The following AQR variants were observed in gnomAD, a reference collection of about 807,000 sequenced individuals.
AQR encodes RNA helicase aquarius.
AQR carries 61 observed loss-of-function variants against 180.5 expected under a neutral mutation model. The ratio of observed to expected loss-of-function variants is 0.34; its 90% CI spans 0.28 to 0.42. AQR has a LOEUF of 0.42. Ranked by LOEUF, AQR falls within the 10% of genes least tolerant of loss-of-function variation. The pLI is 1.00. For missense variants in AQR, 1,281 were observed against 1,798.3 expected (o/e 0.71, Z 5.20); for synonymous variants, 551 against 588.8 (o/e 0.94, Z 0.93).
intron 32 of AQR, among the ~76,000 whole-genome samples, chr15:34,863,856 T>G (rs572112307): frequency 6.6e-6 from 1 of 152,162 alleles, no homozygotes; most frequent in Admixed American, 6.5e-5. Flanking sequence ...TGTGTTTTAG[T>G]GAGAAAAAAT....
intron 16 of AQR, among the ~76,000 whole-genome samples, chr15:34,914,059 G>T (rs1893541352): frequency 1.3e-5 from 2 of 152,218 alleles, no homozygotes; most frequent in Admixed American, 6.5e-5. Flanking sequence ...GTAAGCAGAA[G>T]CCTGGAAGAT....
chr15:34,927,237 C>T (rs567425548), intron 12 of AQR, 99 bp from the exon 13 acceptor site: 1 of 652,194 alleles, frequency 1.5e-6, no homozygotes, highest in South Asian at 4.2e-5. Context: ...AATATTAACG[C>T]ATTTCTGTCT....
chr15:34,905,855 G>A (rs990789767), intron 18 of AQR, among the ~76,000 whole-genome samples: 2 of 152,048 alleles, frequency 1.3e-5, no homozygotes, highest in Non-Finnish European at 2.9e-5. Context: ...TGGCCAACAT[G>A]GTGAAACTCT....
At chr15:34,899,676 TTA>T (rs57273821) in intron 20 of AQR, among the ~76,000 whole-genome samples, 87 of 147,130 alleles carry the variant, frequency 5.9e-4, no homozygotes, top group Non-Finnish European at 6.3e-4. Context: ...TGGCCTATTA[TTA>T]TATATATATA....
chr15:34,965,845 G>C (rs2050307716), intron 1 of AQR, among the ~76,000 whole-genome samples: 1 of 152,066 alleles, frequency 6.6e-6, no homozygotes, highest in Admixed American at 6.6e-5. Context: ...AGAGAATTGA[G>C]TCTAACCTGT....
At chr15:34,914,570 C>T (rs2140482995) in intron 16 of AQR, among the ~76,000 whole-genome samples, 1 of 152,300 alleles carries the variant, frequency 6.6e-6, no homozygotes, top group Admixed American at 6.5e-5. Flanking sequence ...AGCCCTAATC[C>T]TCTGTCCATT....
At chr15:34,956,355 A>G (rs555099025) in intron 3 of AQR, among the ~76,000 whole-genome samples, 4 of 152,282 alleles carry the variant, frequency 2.6e-5, no homozygotes, top group East Asian at 3.9e-4. Flanking sequence ...CTTATTTAAG[A>G]ACAGAGTATT....
In AQR at chr15:34,893,744, T is replaced by A; in HGVS notation, c.2490A>T (p.Thr830=). The change falls in exon 23 of 35, where the codon ACA becomes ACT. Residue 830 remains threonine, a synonymous_variant. Coordinates refer to ENST00000156471, the MANE Select transcript of AQR (RefSeq NM_014691.3). ...TGGATATGATCTGAACTGCCACATCTGTTTTGCCTGTACCAGGTGGGCCCA... is the reference window on the plus strand; with the variant it reads ...TGGATATGATCTGAACTGCCACATCAGTTTTGCCTGTACCAGGTGGGCCCA... ...MVVGPPGTGK[T]DVAVQIISNI... is the part of the protein sequence containing the mutation. 6.2e-7 allele frequency: 1 copy of A among 1,614,162 alleles called. No homozygotes were observed. The highest frequency in any genetic ancestry group is 1.3e-5 in the African/African-American group (1 of 75,040).
At chr15:34,921,080 T>C (rs1321505538) in intron 13 of AQR, among the ~76,000 whole-genome samples, 1 of 152,144 alleles carries the variant, frequency 6.6e-6, no homozygotes, top group Admixed American at 6.5e-5. Flanking sequence ...GTACCTGTTT[T>C]ATTTTAAATT....
chr15:34,899,347 G>T (rs1303370556), intron 20 of AQR, among the ~76,000 whole-genome samples: 1 of 152,040 alleles, frequency 6.6e-6, no homozygotes, highest in African/African-American at 2.4e-5. Context: ...CTAGGTTTGG[G>T]TGTATAAAGG....
chr15:34,918,121 A>G (rs1893625227), intron 15 of AQR, 137 bp downstream of exon 15: 3 of 874,440 alleles, frequency 3.4e-6, no homozygotes, highest in African/African-American at 1.7e-5. Flanking sequence ...TCTAGCTTCT[A>G]AAGTTAACTT....
intron 33 of AQR, among the ~76,000 whole-genome samples, chr15:34,860,804 A>G (rs1892660259): frequency 6.6e-6 from 1 of 152,212 alleles, no homozygotes. Flanking sequence ...TTTGGTGTCT[A>G]TCAGAATCAT....
At chr15:34,902,070 G>A (rs1351817173) in intron 19 of AQR, among the ~76,000 whole-genome samples, 2 of 152,194 alleles carry the variant, frequency 1.3e-5, no homozygotes, top group Non-Finnish European at 2.9e-5. Context: ...GGATGCAGGG[G>A]ACACTTAACA....
intron 1 of AQR, among the ~76,000 whole-genome samples, chr15:34,964,617 G>C (rs1340603173): frequency 6.6e-6 from 1 of 152,130 alleles, no homozygotes; most frequent in Non-Finnish European, 1.5e-5. Context: ...GGAAACCCTG[G>C]TCTAGAAAAA....
At chr15:34,897,062 C>A in intron 21 of AQR, 96 bp from the exon 22 acceptor site, 1 of 908,794 alleles carries the variant, frequency 1.1e-6, no homozygotes, top group South Asian at 1.5e-5. Context: ...AATATCTGCT[C>A]TGTATTTACC....
At position 34,870,805 on chromosome 15, in the gene AQR, C is replaced by T. The variant is rs1892806126; in HGVS notation, c.3715G>A (p.Asp1239Asn). 1.2e-6 allele frequency: 2 copies of T among 1,613,232 alleles called. No homozygotes were observed. The highest frequency in any genetic ancestry group is 1.1e-5 in the South Asian group (1 of 91,030). Reference protein sequence around the residue: ...TYNGQKHLIRDIINRRCGNNP... With the variant: ...TYNGQKHLIRNIINRRCGNNP... ...TTTCCACATCGTCTATTGATGATGT[C>T]GCGAATAAGATGCTTTTGGCCATTA... The change falls in exon 31 of 35, where the codon GAC (aspartate) becomes AAC (asparagine). Residue 1239 changes from aspartate (D) to asparagine (N), a missense_variant. Physicochemically the swap from Asp to Asn is conservative, Grantham distance 23 (BLOSUM62 1). This residue lies in a region of AQR where 197 missense variants were observed against 320.7 expected (regional missense o/e 0.61). Transcript: ENST00000156471.
At chr15:34,870,718 T>C in intron 31 of AQR, 34 bp downstream of exon 31, 1 of 1,566,456 alleles carries the variant, frequency 6.4e-7, no homozygotes, top group Non-Finnish European at 8.7e-7. Context: ...GCCAAAATGA[T>C]GAATAAGAGA....
intron 19 of AQR, among the ~76,000 whole-genome samples, chr15:34,903,034 T>C (rs1178021891): frequency 1.3e-5 from 2 of 152,110 alleles, no homozygotes; most frequent in African/African-American, 4.8e-5. Context: ...AAGATGCTAC[T>C]TTAGGTAAGG....
intron 4 of AQR, 106 bp from the exon 5 acceptor site, chr15:34,948,490 T>C (rs1047331580): frequency 1.1e-5 from 16 of 1,410,504 alleles, no homozygotes; most frequent in Non-Finnish European, 1.5e-5. Context: ...TGAAAATATT[T>C]TGGAAATCTC....
Sources: gnomAD v4.1 joint callset for allele counts (sites outside exome capture counted in the v4.1 genomes callset) on GRCh38, gnomAD v4.1.1 for gene constraint, gnomAD v4.1.1 regional missense constraint, MANE v1.5 for transcripts, NCBI Gene and HGNC (gene_info 2026-07-23, HGNC 2026-07-21) for gene names.